XKR4: variants seen among roughly 807,000 people sequenced by gnomAD.
XKR4 encodes XK-related protein 4.
Under a neutral mutation model 53.9 loss-of-function variants are expected in XKR4, and 12 were observed. The ratio of observed to expected loss-of-function variants is 0.22; its 90% CI spans 0.14 to 0.36. The LOEUF is 0.36. XKR4 is among the 10% of genes least tolerant of loss of function. The pLI, the probability that XKR4 is intolerant of heterozygous loss-of-function variation, is 1.00. For missense variants in XKR4, 799 were observed against 859.5 expected, an observed-to-expected ratio of 0.93 and a Z score of 0.88; for synonymous variants, 354 against 362.4, an observed-to-expected ratio of 0.98 and a Z score of 0.26.
chr8:55,363,049 A>AT (rs1399162145), intron 2 of XKR4, among the ~76,000 whole-genome samples: 2 of 152,214 alleles, frequency 1.3e-5, no homozygotes, highest in Non-Finnish European at 2.9e-5. Flanking sequence ...AAACAAACAA[A>AT]TATCTGGCCT....
chr8:55,356,855 T>C (rs894357985), intron 1 of XKR4, among the ~76,000 whole-genome samples: 2 of 152,170 alleles, frequency 1.3e-5, no homozygotes, highest in African/African-American at 4.8e-5. Flanking sequence ...CAACCCCTCC[T>C]CTTCCTCCTC....
intron 2 of XKR4, among the ~76,000 whole-genome samples, chr8:55,383,349 C>T (rs1445585995): frequency 1.3e-5 from 2 of 152,168 alleles, no homozygotes; most frequent in Non-Finnish European, 2.9e-5. Flanking sequence ...TTATACATCC[C>T]AAGTCTCATG....
intron 1 of XKR4, among the ~76,000 whole-genome samples, chr8:55,279,281 T>G (rs746979601): frequency 2.6e-5 from 4 of 152,170 alleles, no homozygotes; most frequent in Non-Finnish European, 4.4e-5. Context: ...GGGGCTCAGC[T>G]CCAGCTTCTC....
chr8:55,514,291 T>C (rs979277323), intron 2 of XKR4, among the ~76,000 whole-genome samples: 1 of 149,102 alleles, frequency 6.7e-6, no homozygotes, highest in African/African-American at 2.5e-5. Flanking sequence ...TCACTCACTC[T>C]TGTCACCCAG....
At chr8:55,473,807 CTTCT>C (rs989562166) in intron 2 of XKR4, among the ~76,000 whole-genome samples, 1 of 150,772 alleles carries the variant, frequency 6.6e-6, no homozygotes, top group Non-Finnish European at 1.5e-5. Context: ...TCCTTCCTTC[CTTCT>C]TTCCTCCCTT....
At chr8:55,222,391 TCA>T (rs1817892430) in intron 1 of XKR4, among the ~76,000 whole-genome samples, 1 of 152,220 alleles carries the variant, frequency 6.6e-6, no homozygotes, top group South Asian at 2.1e-4. Flanking sequence ...AGGTCACTGT[TCA>T]CAGTTTTAAA....
intron 2 of XKR4, chr8:55,521,029 G>C: frequency 6.6e-6 from 1 of 152,272 alleles, no homozygotes; most frequent in East Asian, 1.9e-4. Flanking sequence ...ACCCCGCTTT[G>C]GTTGGCGCGA....
chr8:55,199,668 C>A (rs1451268456), intron 1 of XKR4, among the ~76,000 whole-genome samples: 1 of 152,190 alleles, frequency 6.6e-6, no homozygotes, highest in Non-Finnish European at 1.5e-5. Context: ...CATGCCAACT[C>A]TTCTGATCAC....
At chr8:55,391,835 T>A (rs1430316450) in intron 2 of XKR4, among the ~76,000 whole-genome samples, 1 of 152,188 alleles carries the variant, frequency 6.6e-6, no homozygotes, top group African/African-American at 2.4e-5. Flanking sequence ...TTTAAACCAG[T>A]GTTTTGGCTA....
chr8:55,409,486 G>C (rs1804743764), intron 2 of XKR4, among the ~76,000 whole-genome samples: 1 of 152,158 alleles, frequency 6.6e-6, no homozygotes, highest in Non-Finnish European at 1.5e-5. Flanking sequence ...CTTGTTGTAA[G>C]AATCTGTAAG....
chr8:55,466,400 C>A (rs1346924700), intron 2 of XKR4, among the ~76,000 whole-genome samples: 1 of 151,890 alleles, frequency 6.6e-6, no homozygotes, highest in Non-Finnish European at 1.5e-5. Context: ...AAACCAAACA[C>A]CTCGTGTTCT....
intron 1 of XKR4, among the ~76,000 whole-genome samples, chr8:55,356,942 C>A (rs904148723): frequency 6.6e-6 from 1 of 152,154 alleles, no homozygotes; most frequent in African/African-American, 2.4e-5. Context: ...TAATAATTTT[C>A]TTTTCCTTAT....
intron 1 of XKR4, among the ~76,000 whole-genome samples, chr8:55,324,191 A>G (rs4738082): frequency 0.64 from 97,201 of 152,018 alleles, 33,147 homozygotes; most frequent in African/African-American, 0.89. Context: ...AACCTCCTGA[A>G]CTCAAGCAAT....
intron 1 of XKR4, among the ~76,000 whole-genome samples, chr8:55,195,289 TAATAA>T (rs1231592558): frequency 1.4e-5 from 2 of 141,800 alleles, no homozygotes; most frequent in African/African-American, 5.1e-5. Context: ...TGTACACTAA[TAATAA>T]TATAACAAAA....
At chr8:55,239,486 G>A (rs571490393) in intron 1 of XKR4, among the ~76,000 whole-genome samples, 22 of 152,290 alleles carry the variant, frequency 1.4e-4, no homozygotes, top group Admixed American at 1.3e-3. Flanking sequence ...CTGGAGAATA[G>A]GAACATGTCT....
chr8:55,220,594 T>A, intron 1 of XKR4, among the ~76,000 whole-genome samples: 1 of 152,218 alleles, frequency 6.6e-6, no homozygotes, highest in East Asian at 1.9e-4. Context: ...CCAGTGTGAC[T>A]GAAATGGACT....
intron 2 of XKR4, among the ~76,000 whole-genome samples, chr8:55,501,835 G>T (rs1049334460): frequency 6.6e-6 from 1 of 152,080 alleles, no homozygotes; most frequent in Non-Finnish European, 1.5e-5. Context: ...GTTCTTTTGG[G>T]TATACAGTCA....
chr8:55,462,801 C>CA (rs1805683867), intron 2 of XKR4, among the ~76,000 whole-genome samples: 1 of 151,456 alleles, frequency 6.6e-6, no homozygotes, highest in South Asian at 2.1e-4. Context: ...AAATGGAAAA[C>CA]AAAAAAAGGC....
chr8:55,301,801 G>T (rs1819203506), intron 1 of XKR4, among the ~76,000 whole-genome samples: 1 of 152,178 alleles, frequency 6.6e-6, no homozygotes, highest in Admixed American at 6.5e-5. Context: ...CTTCTTTTGA[G>T]AAGTGTCTGT....
Sources: gnomAD v4.1 joint callset for allele counts (sites outside exome capture counted in the v4.1 genomes callset) on GRCh38, gnomAD v4.1.1 for gene constraint, MANE v1.5 for transcripts, NCBI Gene and HGNC (gene_info 2026-07-23, HGNC 2026-07-21) for gene names.